The following RPS6KA2 variants were observed in gnomAD, a reference collection of about 807,000 sequenced individuals.
The protein encoded by RPS6KA2 is ribosomal protein S6 kinase alpha-2.
In RPS6KA2, 42 loss-of-function variants were observed where a neutral mutation model predicts 91.8. The observed-to-expected ratio is 0.46, with a 90% CI of 0.36 to 0.59. RPS6KA2 has a LOEUF of 0.59. Ranked by LOEUF, RPS6KA2 falls within the 20% of genes least tolerant of loss-of-function variation. The pLI, the probability that RPS6KA2 is intolerant of heterozygous loss-of-function variation, is 0.00. For missense variants in RPS6KA2, 798 were observed against 978.5 expected, an observed-to-expected ratio of 0.82 and a Z score of 2.46; for synonymous variants, 414 against 393.6, an observed-to-expected ratio of 1.05 and a Z score of -0.61.
At position 166,680,202 on chromosome 6, in the gene RPS6KA2, T is replaced by C. The variant is rs1021588824; in HGVS notation, c.124-141418A>G. Among the ~76,000 whole-genome samples, 15 of 152,160 alleles carry C rather than the reference T, an allele frequency of 9.9e-5. No individual in the cohort carries two copies. In the East Asian group the frequency reaches 2.9e-3, roughly 29 times the overall value. On this transcript the variant is annotated intron_variant, in intron 2 of 21. Transcript: ENST00000503859. ...AATCTGGTGGGGACTTGGAGAACTT[T>C]TGTGTCTAACTAAAGGATTGTAAAC...
At position 166,517,196 on chromosome 6, in the gene RPS6KA2, C is replaced by CA. The variant is rs952359718; in HGVS notation, c.299-6840dup. Reference sequence around the variant, plus strand: ...ACTTAAAAAACAAAACAAAACAAAACAAAAAAACACAAAGCTGGCCAGGCA... The same window carrying CA: ...ACTTAAAAAACAAAACAAAACAAAACAAAAAAAACACAAAGCTGGCCAGGCA... On this transcript the variant is annotated intron_variant, in intron 3 of 20. Transcript: ENST00000265678. Among the ~76,000 whole-genome samples the CA allele has an allele frequency of 2.6e-5, 4 of 151,804 alleles. No individual in the cohort carries two copies. The South Asian group carries it at 8.3e-4, about 31-fold the overall frequency.
rs899252581 is a variant in RPS6KA2 at position 166,635,877 on chromosome 6, C to T, written c.124-97093G>A. ...AGGGTGTCTTAAGTCTGACCCTGCT[C>T]GTCTTCTGCGTCCACTCCAGGACAA... is the stretch of plus-strand genomic sequence containing the variant. On this transcript the variant is annotated intron_variant, in intron 2 of 21. Coordinates refer to the RPS6KA2 transcript ENST00000503859. The surrounding 1 kb of genome is among the most constrained non-coding windows in gnomAD (Gnocchi z 4.8). 1.3e-5 allele frequency among the ~76,000 whole-genome samples: 2 copies of T among 152,122 alleles called. No homozygotes were observed. The highest frequency in any genetic ancestry group is 2.9e-5 in the Non-Finnish European group (2 of 68,002).
At position 166,430,192 on chromosome 6, in the gene RPS6KA2, A is replaced by G. The variant is rs1480868481; in HGVS notation, c.1581+261T>C. Among the ~76,000 whole-genome samples, 3 of 151,546 alleles carry G rather than the reference A, an allele frequency of 2.0e-5. No homozygotes were observed. In the East Asian group the frequency reaches 5.9e-4, roughly 30 times the overall value. ...ACCATGTTGGCTAGGCTGGTCGCGA[A>G]CTCCTGACCTCGTGATCTGCCCGCC... is the stretch of plus-strand genomic sequence containing the variant. On this transcript the variant is annotated intron_variant, in intron 16 of 20. Coordinates refer to ENST00000265678, the MANE Select transcript of RPS6KA2 (RefSeq NM_021135.6).
chr6:166,412,138 T>A lies in RPS6KA2; in HGVS notation c.*624A>T, dbSNP rs2128433764. On this transcript the variant is annotated 3_prime_UTR_variant, in exon 21 of 21. Coordinates refer to ENST00000265678, the MANE Select transcript of RPS6KA2 (RefSeq NM_021135.6). The surrounding 1 kb of genome is among the most constrained non-coding windows in gnomAD (Gnocchi z 4.3). ...TGGGCTCTTACTCCTCATTTGAATC[T>A]GGGACAGAGGAAAGGATGGGCTACC... 6.5e-6 allele frequency: 1 copy of A among 152,706 alleles called. No homozygotes were observed. Among genetic ancestry groups the A allele is most frequent in the African/African-American group, 2.4e-5 (1 of 41,536 alleles). The allele number at this position is 152,706 out of a possible 1,614,324, so 9.5% of individuals were successfully genotyped here.
At chr6:166,625,049 G>A (rs1006584017) in intron 1 of RPS6KA2, among the ~76,000 whole-genome samples, 2 of 152,024 alleles carry the variant, frequency 1.3e-5, no homozygotes, top group Admixed American at 6.5e-5. Flanking sequence ...GGCCAGAATG[G>A]TCTCGATCTC....
At chr6:166,451,332 CGTGTGT>C (rs10663984) in intron 12 of RPS6KA2, 99 bp from the exon 13 acceptor site, 224 of 921,664 alleles carry the variant, frequency 2.4e-4, no homozygotes, top group Middle Eastern at 1.1e-3. Flanking sequence ...TGTGCAAGTC[CGTGTGT>C]GTGTGTGTGT....
chr6:166,422,335 T>C (rs1778752015), intron 17 of RPS6KA2, among the ~76,000 whole-genome samples: 1 of 152,192 alleles, frequency 6.6e-6, no homozygotes, highest in South Asian at 2.1e-4. Context: ...ATCTTTGCAA[T>C]GGACCAGTGG....
intron 2 of RPS6KA2, among the ~76,000 whole-genome samples, chr6:166,854,006 C>A (rs1459103287): frequency 6.6e-6 from 1 of 152,234 alleles, no homozygotes; most frequent in Non-Finnish European, 1.5e-5. Context: ...TTCAAGTAAT[C>A]TCTTAAAGAC....
Position 166,413,882 on chromosome 6 carries a change from G to T in RPS6KA2, c.1988C>A (p.Ala663Glu). The change falls in exon 20 of 21, where the codon GCG becomes GAG. Residue 663 changes from alanine (A) to glutamate (E), a missense_variant. Coordinates refer to ENST00000265678, the MANE Select transcript of RPS6KA2 (RefSeq NM_021135.6). ...CCACGGGTGTTTGAGCACTTGCATC[G>T]CCGTCAGGCGCTGATGAGGGTCCAC... ...LHVDPHQRLT[A>E]MQVLKHPWVV... is the part of the protein sequence containing the mutation. 1 of 1,614,048 alleles carries T rather than the reference G, an allele frequency of 6.2e-7. No individual in the cohort carries two copies. The highest frequency in any genetic ancestry group is 8.5e-7 in the Non-Finnish European group (1 of 1,179,932).
At chr6:166,721,414 A>C (rs749536782) in intron 2 of RPS6KA2, among the ~76,000 whole-genome samples, 2 of 152,230 alleles carry the variant, frequency 1.3e-5, no homozygotes, top group Non-Finnish European at 2.9e-5. Context: ...ACGTGGCCAC[A>C]GCCACAGCTG....
chr6:166,816,565 A>AC (rs1440274933), intron 2 of RPS6KA2, among the ~76,000 whole-genome samples: 107 of 151,066 alleles, frequency 7.1e-4, no homozygotes, highest in Admixed American at 1.8e-3. Context: ...AAAAAAAAAA[A>AC]AAAAAGAATT....
intron 1 of RPS6KA2, among the ~76,000 whole-genome samples, chr6:166,608,574 A>G (rs1786039867): frequency 6.6e-6 from 1 of 152,194 alleles, no homozygotes; most frequent in Admixed American, 6.5e-5. Context: ...GGAAAACATA[A>G]CAAGTTGATT....
rs904654570 is a variant in RPS6KA2 at position 166,432,981 on chromosome 6, C to T, written c.1333-491G>A. Among the ~76,000 whole-genome samples the T allele has an allele frequency of 4.5e-5, 6 of 132,438 alleles. No homozygotes were observed. In the Middle Eastern group the frequency reaches 0.016, roughly 359 times the overall value. The allele number at this position is 132,438 out of a possible 152,430, so 86.9% of individuals were successfully genotyped here. ...CTGCACTCCAGCCTGGGTGACAGAGCGAGACTCTGTCTCAAAAAAAAAAAA... is the reference window on the plus strand; with the variant it reads ...CTGCACTCCAGCCTGGGTGACAGAGTGAGACTCTGTCTCAAAAAAAAAAAA... On this transcript the variant is annotated intron_variant, in intron 14 of 20. Coordinates refer to ENST00000265678, the MANE Select transcript of RPS6KA2 (RefSeq NM_021135.6).
chr6:166,614,422 A>C (rs1230955943), intron 1 of RPS6KA2, among the ~76,000 whole-genome samples: 2 of 152,136 alleles, frequency 1.3e-5, no homozygotes, highest in African/African-American at 4.8e-5. Context: ...CCAGGCCCCG[A>C]GGGCAGGTGT....
chr6:166,451,877 A>G (rs1359748343), intron 12 of RPS6KA2, among the ~76,000 whole-genome samples: 1 of 152,262 alleles, frequency 6.6e-6, no homozygotes, highest in Non-Finnish European at 1.5e-5. Context: ...TCCCATTTCA[A>G]GTTTATCATT....
chr6:166,613,338 C>G (rs532909002), intron 1 of RPS6KA2, among the ~76,000 whole-genome samples: 2 of 152,346 alleles, frequency 1.3e-5, no homozygotes, highest in East Asian at 3.9e-4. Context: ...GTGAAGCAAA[C>G]AGATTGCAGT....
At chr6:166,681,776 C>T (rs184693868) in intron 2 of RPS6KA2, among the ~76,000 whole-genome samples, 1 of 140,132 alleles carries the variant, frequency 7.1e-6, no homozygotes, top group Non-Finnish European at 1.5e-5. Flanking sequence ...CTTGTTTGAC[C>T]CTTGTGGCCC....
chr6:166,438,318 A>T (rs1034943662), intron 14 of RPS6KA2, among the ~76,000 whole-genome samples: 12 of 152,226 alleles, frequency 7.9e-5, no homozygotes, highest in South Asian at 4.1e-4. Flanking sequence ...GAAGATGGGC[A>T]CAGAAACACC....
At chr6:166,728,215 G>A (rs1182873061) in intron 2 of RPS6KA2, among the ~76,000 whole-genome samples, 1 of 152,148 alleles carries the variant, frequency 6.6e-6, no homozygotes. Flanking sequence ...GCTGTACTGG[G>A]GTGGGTGCTC....
Sources: allele counts gnomAD v4.1 joint callset (sites outside exome capture counted in the v4.1 genomes callset), GRCh38; gene constraint gnomAD v4.1.1; non-coding constraint Gnocchi (gnomAD v3.1); transcripts MANE v1.5; gene names NCBI Gene and HGNC (gene_info 2026-07-23, HGNC 2026-07-21).